PDE8B: variants seen among roughly 807,000 people sequenced by gnomAD.
The protein encoded by PDE8B is phosphodiesterase 8B.
In PDE8B, 26 loss-of-function variants were observed where a neutral mutation model predicts 101.3. The ratio of observed to expected loss-of-function variants is 0.26; its 90% CI spans 0.19 to 0.36. PDE8B has a LOEUF of 0.36. Ranked by LOEUF, PDE8B falls within the 10% of genes least tolerant of loss-of-function variation. The pLI is 1.00. For synonymous variants in PDE8B, 424 were observed against 429.3 expected (o/e 0.99, Z 0.15); for missense variants, 810 against 1,163.1 (o/e 0.70, Z 4.42).
chr5:77,209,646 C>T (rs1006639344), upstream of PDE8B, among the ~76,000 whole-genome samples: 7 of 152,182 alleles, frequency 4.6e-5, 1 homozygote, highest in African/African-American at 1.7e-4. Context: ...TCCTCCAGCA[C>T]AGCTCAGTCT....
chr5:77,135,895 G>C, the PDE8B span, among the ~76,000 whole-genome samples: 1 of 152,050 alleles, frequency 6.6e-6, no homozygotes, highest in Admixed American at 6.6e-5. Context: ...GGGATAACAG[G>C]CATGAGCATT....
chr5:77,264,187 A>T (rs1459231399), intron 1 of PDE8B, among the ~76,000 whole-genome samples: 1 of 152,214 alleles, frequency 6.6e-6, no homozygotes, highest in African/African-American at 2.4e-5. Flanking sequence ...CACATTTGGG[A>T]TATTTTCAAG....
chr5:77,196,729 A>T, the PDE8B span, among the ~76,000 whole-genome samples: 1 of 152,074 alleles, frequency 6.6e-6, no homozygotes, highest in African/African-American at 2.4e-5. Context: ...AGGGCTTCCT[A>T]CGCTCAATTT....
chr5:77,177,357 C>T, the PDE8B span, among the ~76,000 whole-genome samples: 1 of 152,200 alleles, frequency 6.6e-6, no homozygotes, highest in Non-Finnish European at 1.5e-5. Flanking sequence ...TTTTCCTATA[C>T]ATACGTACCT....
At chr5:77,420,702 C>T (rs1304205253) in intron 19 of PDE8B, among the ~76,000 whole-genome samples, 1 of 152,112 alleles carries the variant, frequency 6.6e-6, no homozygotes, top group Non-Finnish European at 1.5e-5. Context: ...AGCACAACAC[C>T]AGAGCCCTCT....
the PDE8B span, among the ~76,000 whole-genome samples, chr5:77,153,496 T>C: frequency 5.4e-4 from 82 of 152,066 alleles, no homozygotes; most frequent in Middle Eastern, 3.4e-3. Context: ...GGATAGATAT[T>C]GGACAGTTTA....
At chr5:77,218,382 C>A (rs1371987902) in intron 1 of PDE8B, among the ~76,000 whole-genome samples, 1 of 152,152 alleles carries the variant, frequency 6.6e-6, no homozygotes, top group Non-Finnish European at 1.5e-5. Flanking sequence ...AATGGGGCTG[C>A]AAGAGGTGGG....
chr5:77,331,215 T>G, intron 4 of PDE8B, 187 bp from the exon 5 acceptor site: 1 of 706,354 alleles, frequency 1.4e-6, no homozygotes, highest in Non-Finnish European at 2.6e-6. Flanking sequence ...TTTTTGTTCT[T>G]TTTGCATCTG....
chr5:77,204,786 A>G, the PDE8B span, among the ~76,000 whole-genome samples: 2 of 152,234 alleles, frequency 1.3e-5, no homozygotes, highest in East Asian at 1.9e-4. Flanking sequence ...CATAACTACT[A>G]TAAAAGAATT....
the PDE8B span, among the ~76,000 whole-genome samples, chr5:77,157,977 T>C: frequency 1.5e-5 from 2 of 136,812 alleles, no homozygotes; most frequent in Admixed American, 7.2e-5. Context: ...TAGCTGGCAC[T>C]GTGTGGGACA....
At chr5:77,317,284 A>G (rs1166222890) in intron 2 of PDE8B, among the ~76,000 whole-genome samples, 1 of 152,326 alleles carries the variant, frequency 6.6e-6, no homozygotes, top group East Asian at 1.9e-4. Context: ...CTTGAAGAAA[A>G]CTATTCTGTT....
intron 1 of PDE8B, among the ~76,000 whole-genome samples, chr5:77,212,925 A>G (rs138342925): frequency 1.9e-4 from 29 of 152,310 alleles, no homozygotes; most frequent in African/African-American, 6.7e-4. Flanking sequence ...GAACTTTGTG[A>G]TACTTTTTTT....
At chr5:77,257,604 A>G (rs538756263) in intron 1 of PDE8B, among the ~76,000 whole-genome samples, 1 of 152,324 alleles carries the variant, frequency 6.6e-6, no homozygotes, top group South Asian at 2.1e-4. Context: ...GGAGAAATAA[A>G]TAAATAAACC....
At chr5:77,389,585 C>A (rs1315612091) in intron 10 of PDE8B, among the ~76,000 whole-genome samples, 1 of 152,184 alleles carries the variant, frequency 6.6e-6, no homozygotes, top group Non-Finnish European at 1.5e-5. Flanking sequence ...TTATCCCCAT[C>A]ACGATATTAA....
intron 10 of PDE8B, among the ~76,000 whole-genome samples, chr5:77,374,287 A>G (rs376795973): frequency 6.6e-6 from 1 of 151,972 alleles, no homozygotes; most frequent in African/African-American, 2.4e-5. Flanking sequence ...TTTTATGGAG[A>G]GTGTATAATT....
At chr5:77,203,160 C>T in the PDE8B span, among the ~76,000 whole-genome samples, 2 of 152,122 alleles carry the variant, frequency 1.3e-5, no homozygotes, top group Admixed American at 6.5e-5. Flanking sequence ...AGTCATCTGC[C>T]TCTTTGTTCT....
At chr5:77,331,891 A>G (rs1777200131) in intron 5 of PDE8B, among the ~76,000 whole-genome samples, 1 of 152,196 alleles carries the variant, frequency 6.6e-6, no homozygotes, top group Admixed American at 6.5e-5. Context: ...GCCCATGATG[A>G]CTGTAGCATC....
In PDE8B at chr5:77,383,786, G is replaced by C. The variant is rs1183392701; in HGVS notation, c.1168-16462G>C. ...TGTCAGGTTTGTCAAAGATCAGATG[G>C]TTGTAGATATGTAGTGTTATTTATG... On this transcript the variant is annotated intron_variant, in intron 10 of 21. Transcript: ENST00000264917. 1.3e-5 allele frequency among the ~76,000 whole-genome samples: 2 copies of C among 152,118 alleles called. 1 individual carries two copies. The highest frequency in any genetic ancestry group is 1.3e-4 in the Admixed American group (2 of 15,256).
At chr5:77,395,731 A>AC (rs1790904314) in intron 10 of PDE8B, among the ~76,000 whole-genome samples, 1 of 107,488 alleles carries the variant, frequency 9.3e-6, no homozygotes, top group Non-Finnish European at 1.9e-5. Context: ...CTCCTACCCC[A>AC]CCCCCACCCC....
Sources: allele counts gnomAD v4.1 joint callset (sites outside exome capture counted in the v4.1 genomes callset), GRCh38; gene constraint gnomAD v4.1.1; transcripts MANE v1.5; gene names NCBI Gene and HGNC (gene_info 2026-07-23, HGNC 2026-07-21).